MEIS1: variants seen among roughly 807,000 people sequenced by gnomAD.
MEIS1 encodes Meis homeobox 1.
Under a neutral mutation model 50.8 loss-of-function variants are expected in MEIS1, and 5 were observed. That is an observed-to-expected ratio of 0.10 (90% CI 0.05 to 0.21). The LOEUF (loss-of-function observed/expected upper bound fraction) is 0.21, where lower values mean the gene tolerates loss of function less well. Among genes scored for constraint, MEIS1 ranks in the 10% least tolerant of loss-of-function variants. MEIS1 has a pLI of 1.00. For synonymous variants in MEIS1, 176 were observed against 179.3 expected, an observed-to-expected ratio of 0.98 and a Z score of 0.15; for missense variants, 318 against 517.3, an observed-to-expected ratio of 0.61 and a Z score of 3.74.
intron 8 of MEIS1, among the ~76,000 whole-genome samples, chr2:66,517,414 A>AT (rs139918864): frequency 1.5e-4 from 23 of 151,736 alleles, no homozygotes; most frequent in East Asian, 5.8e-4. Flanking sequence ...GTGCGAGAAG[A>AT]TTTTTTTTTC....
intron 7 of MEIS1, among the ~76,000 whole-genome samples, chr2:66,503,385 C>A (rs1413894482): frequency 6.6e-6 from 1 of 152,146 alleles, no homozygotes; most frequent in African/African-American, 2.4e-5. Flanking sequence ...GAATGCTCGC[C>A]TCTGCCCTTT....
chr2:66,571,924 C>T lies in MEIS1; in HGVS notation c.*716C>T, dbSNP rs545806864. The stretch of plus-strand genomic sequence containing the variant: ...GCAAGGGACAGGAAGGTCTGATTTG[C>T]AGGATTTTTAGAGCATTAAAATAAC... On this transcript the variant is annotated 3_prime_UTR_variant, in exon 13 of 13. Transcript: ENST00000272369. 1 of 173,682 alleles carries T rather than the reference C, an allele frequency of 5.8e-6. No individual in the cohort carries two copies. The highest frequency in any genetic ancestry group is 1.9e-4 in the East Asian group (1 of 5,366). 10.8% of individuals were successfully genotyped at this position (173,682 alleles called of 1,614,324 possible).
intron 8 of MEIS1, among the ~76,000 whole-genome samples, chr2:66,542,359 A>C (rs1258067286): frequency 6.6e-6 from 1 of 152,036 alleles, no homozygotes; most frequent in African/African-American, 2.4e-5. Flanking sequence ...ATATTAATGC[A>C]TTAAACTTAG....
chr2:66,462,036 G>T, intron 6 of MEIS1: 1 of 341,806 alleles, frequency 2.9e-6, no homozygotes, highest in Non-Finnish European at 5.9e-6. Flanking sequence ...GTAGAAAAGT[G>T]GGGGAGGGAG....
At chr2:66,538,461 C>T (rs1302920114) in intron 8 of MEIS1, among the ~76,000 whole-genome samples, 2 of 152,188 alleles carry the variant, frequency 1.3e-5, no homozygotes, top group African/African-American at 4.8e-5. Flanking sequence ...CTCTACTATT[C>T]TGGGATTTGT....
At chr2:66,503,118 T>C (rs1373810858) in intron 7 of MEIS1, among the ~76,000 whole-genome samples, 1 of 152,230 alleles carries the variant, frequency 6.6e-6, no homozygotes, top group Non-Finnish European at 1.5e-5. Context: ...GGTGATTTGT[T>C]AGGTTGAACT....
intron 7 of MEIS1, among the ~76,000 whole-genome samples, chr2:66,464,517 C>A (rs1573147876): frequency 6.6e-6 from 1 of 152,134 alleles, no homozygotes; most frequent in Non-Finnish European, 1.5e-5. Flanking sequence ...TCATACCCTG[C>A]TATACAAATA....
intron 7 of MEIS1, among the ~76,000 whole-genome samples, chr2:66,466,988 CA>C (rs930218968): frequency 4.2e-5 from 6 of 141,654 alleles, no homozygotes; most frequent in Non-Finnish European, 9.4e-5. Flanking sequence ...GAAAAGAAAA[CA>C]AAAAAGAAAT....
At chr2:66,511,890 G>A (rs1332589357) in intron 7 of MEIS1, among the ~76,000 whole-genome samples, 1 of 151,008 alleles carries the variant, frequency 6.6e-6, no homozygotes, top group East Asian at 1.9e-4. Flanking sequence ...AAAGCCACAA[G>A]GGGATTGGAT....
chr2:66,485,041 T>G (rs559688436), intron 7 of MEIS1, among the ~76,000 whole-genome samples: 59 of 152,214 alleles, frequency 3.9e-4, no homozygotes, highest in African/African-American at 1.4e-3. Context: ...GTGAGATGAT[T>G]TTTTTGTTGT....
chr2:66,477,659 C>T (rs185319332), intron 7 of MEIS1, among the ~76,000 whole-genome samples: 1 of 152,218 alleles, frequency 6.6e-6, no homozygotes, highest in African/African-American at 2.4e-5. Flanking sequence ...TGACTCATTT[C>T]ATCAGTTTAC....
At chr2:66,506,751 T>G (rs575159330) in intron 7 of MEIS1, among the ~76,000 whole-genome samples, 1 of 152,350 alleles carries the variant, frequency 6.6e-6, no homozygotes, top group South Asian at 2.1e-4. Flanking sequence ...TCTATAATTC[T>G]TGCCATATAT....
chr2:66,503,736 A>ATTTTT (rs70943702), intron 7 of MEIS1, among the ~76,000 whole-genome samples: 1 of 77,800 alleles, frequency 1.3e-5, no homozygotes, highest in Non-Finnish European at 2.2e-5. Flanking sequence ...TATATGGGGC[A>ATTTTT]TTTTTTTTTT....
intron 9 of MEIS1, chr2:66,562,133 G>A (rs1443287269): frequency 7.7e-6 from 1 of 129,756 alleles, no homozygotes; most frequent in Non-Finnish European, 1.6e-5. Context: ...TGTGGAAAAT[G>A]TTGCCTGTGA....
intron 8 of MEIS1, among the ~76,000 whole-genome samples, chr2:66,533,265 C>T (rs1257488035): frequency 6.6e-6 from 1 of 152,186 alleles, no homozygotes; most frequent in Non-Finnish European, 1.5e-5. Context: ...CTCAACATTC[C>T]TAAGTCCACT....
intron 7 of MEIS1, among the ~76,000 whole-genome samples, chr2:66,491,730 A>G (rs1405348875): frequency 6.6e-6 from 1 of 152,224 alleles, no homozygotes; most frequent in African/African-American, 2.4e-5. Context: ...TCTGGCTTTC[A>G]AAACTGACTT....
chr2:66,558,234 G>A (rs1043224771), intron 9 of MEIS1, among the ~76,000 whole-genome samples: 4 of 127,856 alleles, frequency 3.1e-5, no homozygotes, highest in Non-Finnish European at 6.2e-5. Context: ...AGCCGAGATT[G>A]CGCCACTGCA....
intron 2 of MEIS1, chr2:66,439,397 C>T (rs1671891722): frequency 7.9e-7 from 1 of 1,266,886 alleles, no homozygotes; most frequent in Non-Finnish European, 9.9e-7. Flanking sequence ...TCCCCCGAGC[C>T]TGGGCTTCGC....
At chr2:66,554,437 GGT>G (rs1165484545) in intron 9 of MEIS1, among the ~76,000 whole-genome samples, 2 of 152,218 alleles carry the variant, frequency 1.3e-5, no homozygotes, top group Non-Finnish European at 2.9e-5. Context: ...GGGGCTGAGA[GGT>G]GTCACGGTCA....
Sources: gnomAD v4.1 joint callset for allele counts (sites outside exome capture counted in the v4.1 genomes callset) on GRCh38, gnomAD v4.1.1 for gene constraint, MANE v1.5 for transcripts, NCBI Gene and HGNC (gene_info 2026-07-23, HGNC 2026-07-21) for gene names.